Variants in ADORA2A observed in about 807,000 individuals in gnomAD.
The protein encoded by ADORA2A is adenosine A2a receptor, also known as adenosine receptor A2a.
Under a neutral mutation model 18.4 loss-of-function variants are expected in ADORA2A, and 11 were observed. The observed-to-expected ratio is 0.60, with a 90% CI of 0.38 to 0.99. The LOEUF is 0.99. ADORA2A is among the 50% of genes least tolerant of loss of function. The pLI, the probability that ADORA2A is intolerant of heterozygous loss-of-function variation, is 0.01. For missense variants in ADORA2A, 449 were observed against 556.1 expected (o/e 0.81, Z 1.94); for synonymous variants, 218 against 237.3 (o/e 0.92, Z 0.75).
intron 1 of ADORA2A, chr22:24,431,238 G>A (rs1458491330): frequency 1.5e-5 from 7 of 456,656 alleles, no homozygotes; most frequent in Admixed American, 4.7e-5. Context: ...CAGGCCCTCC[G>A]TTGCTGCAGG....
At chr22:24,425,796 G>A (rs116704292), upstream of ADORA2A, among the ~76,000 whole-genome samples, 4,035 of 152,344 alleles carry the variant, frequency 0.026, 93 homozygotes, top group African/African-American at 0.056. Flanking sequence ...CTGGGTTCTG[G>A]TCTTGCCTCC....
At chr22:24,426,772 G>A (rs2042923270), upstream of ADORA2A, among the ~76,000 whole-genome samples, 1 of 152,130 alleles carries the variant, frequency 6.6e-6, no homozygotes, top group Non-Finnish European at 1.5e-5. Context: ...CAGCACAGGG[G>A]ATGATGGGAG....
intron 1 of ADORA2A, chr22:24,429,648 C>G (rs1601398767): frequency 6.6e-6 from 1 of 152,260 alleles, no homozygotes; most frequent in Non-Finnish European, 1.5e-5. Context: ...GGCCGCAGCC[C>G]TACACCACCT....
Position 24,441,275 on chromosome 22 carries a change from C to T in ADORA2A, c.1025C>T (p.Pro342Leu), listed in dbSNP as rs201448773. The change falls in exon 3 of 3, where the codon CCG (proline) becomes CTG (leucine). Residue 342 changes from proline (P) to leucine (L), a missense_variant. Pro to Leu is a moderately conservative substitution (Grantham distance 98). Transcript: ENST00000337539. ...GTCAGCCTCCGTCTCAACGGCCACC[C>T]GCCAGGAGTGTGGGCCAACGGCAGT... ...EQVSLRLNGHPPGVWANGSAP... is the reference protein window; with the variant it reads ...EQVSLRLNGHLPGVWANGSAP... The T allele has an allele frequency of 3.3e-5, 53 of 1,612,728 alleles. No homozygotes were observed. In the East Asian group the frequency reaches 9.1e-4, roughly 28 times the overall value.
chr22:24,441,198 A>T lies in ADORA2A; in HGVS notation c.948A>T (p.Ala316=). 1 of 1,614,144 alleles carries T rather than the reference A, an allele frequency of 6.2e-7. No individual in the cohort carries two copies. The highest frequency in any genetic ancestry group is 1.1e-5 in the South Asian group (1 of 91,092). ...HVLRQQEPFK[A]AGTSARVLAA... is the part of the protein sequence containing the mutation. The stretch of plus-strand genomic sequence containing the variant: ...TGAGGCAGCAAGAACCTTTCAAGGC[A>T]GCTGGCACCAGTGCCCGGGTCTTGG... Residue 316 remains alanine (A), a synonymous_variant, in exon 3 of 3, where the codon GCA becomes GCT. Coordinates refer to ENST00000337539, the MANE Select transcript of ADORA2A (RefSeq NM_000675.6).
Position 24,433,288 on chromosome 22 carries a change from G to T in ADORA2A, c.-117G>T. ...GGCTCCTGTGAGGAAGGGGCTCAGG[G>T]GTCTGGGCCCCTCCGCCTGGGCCGG... is the stretch of plus-strand genomic sequence containing the variant. On this transcript the variant is annotated 5_prime_UTR_variant, in exon 2 of 3. Coordinates refer to ENST00000337539, the MANE Select transcript of ADORA2A (RefSeq NM_000675.6). The T allele has an allele frequency of 2.0e-6, 2 of 997,720 alleles. No homozygotes were observed. The highest frequency in any genetic ancestry group is 1.6e-5 in the South Asian group (1 of 63,456). The allele number at this position is 997,720 out of a possible 1,614,324, so 61.8% of individuals were successfully genotyped here. A position where few individuals can be genotyped will look rare whatever the true frequency, so the allele number is the denominator to read the frequency against.
chr22:24,423,988 G>A (rs548881688), upstream of ADORA2A: 60 of 152,488 alleles, frequency 3.9e-4, 2 homozygotes, highest in South Asian at 0.01. Context: ...TGGCGTGCGG[G>A]GTCCTGGGTG....
chr22:24,440,548 T>G (rs200932591), intron 2 of ADORA2A, 35 bp from the exon 3 acceptor site: 1 of 1,526,856 alleles, frequency 6.5e-7, no homozygotes, highest in Non-Finnish European at 8.8e-7. Context: ...TAACCCTGGC[T>G]TCTCAGATCT....
intron 1 of ADORA2A, chr22:24,430,134 G>C (rs1173357810): frequency 6.6e-6 from 1 of 152,360 alleles, no homozygotes; most frequent in African/African-American, 2.4e-5. Flanking sequence ...CTTTGCTCAG[G>C]GCCGAGAAAG....
At chr22:24,427,008 G>A (rs529515018), upstream of ADORA2A, among the ~76,000 whole-genome samples, 224 of 152,286 alleles carry the variant, frequency 1.5e-3, 1 homozygote, top group Middle Eastern at 0.014. Context: ...CGGATGTGCC[G>A]CTGCAGCCCT....
intron 1 of ADORA2A, among the ~76,000 whole-genome samples, chr22:24,428,721 G>C (rs1040507367): frequency 6.6e-6 from 1 of 151,984 alleles, no homozygotes; most frequent in African/African-American, 2.4e-5. Context: ...ATTGATTTGC[G>C]ACTCCTCTTA....
chr22:24,430,787 G>A (rs2043012403), intron 1 of ADORA2A: 1 of 298,534 alleles, frequency 3.3e-6, no homozygotes, highest in Non-Finnish European at 6.7e-6. Flanking sequence ...ATTGGCAGAA[G>A]GCTGTGGCAT....
rs865859013 is a variant in ADORA2A at position 24,439,072 on chromosome 22, C to T, written c.333-1511C>T. Among the ~76,000 whole-genome samples the T allele has an allele frequency of 1.0e-3, 76 of 73,096 alleles. No individual in the cohort carries two copies. In the South Asian group the frequency reaches 0.013, roughly 12 times the overall value. 48.0% of individuals were successfully genotyped at this position (73,096 alleles called of 152,430 possible). On this transcript the variant is annotated intron_variant, in intron 2 of 2. Transcript: ENST00000337539. ...GTAGAGCACATCCTTCCCCTTGCAC[C>T]TTTTTTTTTTTTTTTTTTTTTTTTT...
chr22:24,427,378 G>A (rs1222491269), upstream of ADORA2A, among the ~76,000 whole-genome samples: 1 of 152,172 alleles, frequency 6.6e-6, no homozygotes, highest in Non-Finnish European at 1.5e-5. Flanking sequence ...GCATTGTGAG[G>A]CCCTGCACCC....
Position 24,433,353 on chromosome 22 carries a change from C to A in ADORA2A, c.-52C>A, listed in dbSNP as rs771503509. 4 of 1,515,326 alleles carry A rather than the reference C, an allele frequency of 2.6e-6. No homozygotes were observed. Among genetic ancestry groups the A allele is most frequent in the African/African-American group, 2.8e-5 (2 of 72,524 alleles). The allele number at this position is 1,515,326 out of a possible 1,614,324, so 93.9% of individuals were successfully genotyped here. Reference sequence around the variant, plus strand: ...GGGCGGCTGGGCTGCAGCAATGGACCGTGAGCTGGCCCAGCCCGCGTCCGT... The same window carrying A: ...GGGCGGCTGGGCTGCAGCAATGGACAGTGAGCTGGCCCAGCCCGCGTCCGT... On this transcript the variant is annotated 5_prime_UTR_variant, in exon 2 of 3. Coordinates refer to ENST00000337539, the MANE Select transcript of ADORA2A (RefSeq NM_000675.6).
upstream of ADORA2A, among the ~76,000 whole-genome samples, chr22:24,425,478 C>T (rs898819911): frequency 2.6e-5 from 4 of 152,172 alleles, no homozygotes; most frequent in African/African-American, 9.7e-5. Flanking sequence ...CCTAGAGTTT[C>T]TCAGGCAAAT....
upstream of ADORA2A, among the ~76,000 whole-genome samples, chr22:24,425,833 G>A (rs968974015): frequency 6.6e-6 from 1 of 152,242 alleles, no homozygotes; most frequent in Non-Finnish European, 1.5e-5. Context: ...GCAGGTTGCT[G>A]TCCCGGGGAA....
At chr22:24,423,924 G>T (rs939929039), upstream of ADORA2A, 1 of 146,064 alleles carries the variant, frequency 6.8e-6, no homozygotes, top group Non-Finnish European at 1.5e-5. Context: ...CCCAGCGGCC[G>T]CCGAGACAGC....
At chr22:24,434,594 A>C (rs1387885762) in intron 2 of ADORA2A, among the ~76,000 whole-genome samples, 1 of 152,176 alleles carries the variant, frequency 6.6e-6, no homozygotes, top group Non-Finnish European at 1.5e-5. Context: ...GCTGGGTTCC[A>C]CAGCCTGGGT....
Sources: allele counts gnomAD v4.1 joint callset (sites outside exome capture counted in the v4.1 genomes callset), GRCh38; gene constraint gnomAD v4.1.1; transcripts MANE v1.5; gene names NCBI Gene and HGNC (gene_info 2026-07-23, HGNC 2026-07-21).